Variants in THAP4 observed in about 807,000 individuals in gnomAD.
THAP4 encodes THAP domain containing 4.
In THAP4, 18 loss-of-function variants were observed where a neutral mutation model predicts 48.1. The observed-to-expected ratio is 0.37, with a 90% confidence interval of 0.26 to 0.56. The LOEUF (loss-of-function observed/expected upper bound fraction) is 0.56, where lower values mean the gene tolerates loss of function less well. THAP4 is among the 20% of genes least tolerant of loss of function. The probability of loss-of-function intolerance (pLI) is 0.78; values close to 1 mark genes in which losing one functional copy is unlikely to be tolerated. For synonymous variants in THAP4, 345 were observed against 324.9 expected (o/e 1.06, Z -0.66); for missense variants, 656 against 774.9 (o/e 0.85, Z 1.82).
intron 2 of THAP4, among the ~76,000 whole-genome samples, chr2:241,614,118 C>T (rs937160690): frequency 5.3e-5 from 8 of 150,520 alleles, no homozygotes; most frequent in African/African-American, 2.0e-4. Flanking sequence ...CGCGCCACTG[C>T]ACTCCAGTCT....
At chr2:241,604,601 A>G (rs2067156550) in intron 3 of THAP4, among the ~76,000 whole-genome samples, 1 of 151,774 alleles carries the variant, frequency 6.6e-6, no homozygotes, top group Admixed American at 6.6e-5. Context: ...GTAGAGACAC[A>G]ATTTCACCAC....
intron 2 of THAP4, among the ~76,000 whole-genome samples, chr2:241,608,985 G>A (rs2067226315): frequency 6.6e-6 from 1 of 152,212 alleles, no homozygotes. Context: ...AGGCCAGTGT[G>A]GCCAGGGGAA....
intron 1 of THAP4, 83 bp downstream of exon 1, chr2:241,636,858 C>A: frequency 7.1e-6 from 6 of 840,722 alleles, no homozygotes; most frequent in Non-Finnish European, 8.6e-6. Context: ...CCCCCGCCCC[C>A]CGCGTTCGGG....
rs759157194 is a variant in THAP4, at chr2:241,633,310, T to C, written c.847A>G (p.Ser283Gly). 1 of 1,612,380 alleles carries C rather than the reference T, an allele frequency of 6.2e-7. No individual in the cohort carries two copies. Among genetic ancestry groups the C allele is most frequent in the East Asian group, 2.2e-5 (1 of 44,850 alleles). Residue 283 changes from serine (S) to glycine (G), a missense_variant, in exon 2 of 6, where the codon AGC becomes GGC. Coordinates refer to ENST00000407315, the MANE Select transcript of THAP4 (RefSeq NM_015963.6). The surrounding 1 kb of genome is among the most constrained non-coding windows in gnomAD (Gnocchi z 7.5). ...GCGGTAAGTGATGAGCTGGGAGGGC[T>C]CTGGGCCAGGCCCTTGTCGGGTCCC... ...SLGPDKGLAQ[S>G]PPSSSLTATP...
chr2:241,600,727 C>CAAAAA (rs35546566), intron 5 of THAP4, among the ~76,000 whole-genome samples: 20 of 88,764 alleles, frequency 2.3e-4, no homozygotes, highest in African/African-American at 7.7e-4. Flanking sequence ...GACTCCGTCT[C>CAAAAA]AAAAAAAAAA....
chr2:241,612,256 TA>T lies in THAP4; in HGVS notation c.1241-5784del, dbSNP rs200730088. 2.0e-5 allele frequency among the ~76,000 whole-genome samples: 3 copies of T among 149,900 alleles called. No homozygotes were observed. The highest frequency in any genetic ancestry group is 3.0e-5 in the Non-Finnish European group (2 of 67,408). ...CGGAACACAGAGGACAGAAATGAGTTAAAAAAAAAGACAAAAGATAGAGAAA... is the reference window on the plus strand; with the variant it reads ...CGGAACACAGAGGACAGAAATGAGTTAAAAAAAAGACAAAAGATAGAGAAA... On this transcript the variant is annotated intron_variant, in intron 2 of 5. Transcript: ENST00000407315. This position sits in a 1 kb window ranked among gnomAD's most constrained non-coding sequence, Gnocchi z 4.1.
chr2:241,605,234 T>C (rs1201432290), intron 3 of THAP4, among the ~76,000 whole-genome samples: 1 of 152,164 alleles, frequency 6.6e-6, no homozygotes, highest in African/African-American at 2.4e-5. Context: ...CAATGAGATC[T>C]TCTAAAAGGG....
At chr2:241,598,665 A>C (rs1313167390) in intron 5 of THAP4, among the ~76,000 whole-genome samples, 1 of 152,152 alleles carries the variant, frequency 6.6e-6, no homozygotes, top group Non-Finnish European at 1.5e-5. Context: ...TGAGAATCTA[A>C]TGCTGCCACC....
intron 2 of THAP4, among the ~76,000 whole-genome samples, chr2:241,619,270 C>T (rs964614628): frequency 2.6e-4 from 40 of 152,340 alleles, no homozygotes; most frequent in African/African-American, 7.9e-4. Flanking sequence ...AAACACAGCC[C>T]GAGTGCCAGC....
intron 2 of THAP4, among the ~76,000 whole-genome samples, chr2:241,619,013 C>T (rs527701589): frequency 3.3e-5 from 5 of 152,220 alleles, no homozygotes; most frequent in South Asian, 2.1e-4. Context: ...CTCACCCAAG[C>T]GGGGAGGAGA....
At chr2:241,608,085 C>T (rs2067210583) in intron 2 of THAP4, among the ~76,000 whole-genome samples, 1 of 152,074 alleles carries the variant, frequency 6.6e-6, no homozygotes, top group Non-Finnish European at 1.5e-5. Flanking sequence ...AATTACACAA[C>T]CTTTGGATTA....
intron 5 of THAP4, among the ~76,000 whole-genome samples, chr2:241,597,978 C>CAA (rs66522275): frequency 1.5e-5 from 2 of 129,180 alleles, no homozygotes; most frequent in Non-Finnish European, 3.4e-5. Flanking sequence ...AACATGCAAA[C>CAA]AAAAAAAAAA....
intron 5 of THAP4, among the ~76,000 whole-genome samples, chr2:241,585,417 AGAAGTG>A (rs961384755): frequency 8.5e-5 from 13 of 152,048 alleles, no homozygotes; most frequent in Non-Finnish European, 1.9e-4. Context: ...GGGGGGCACC[AGAAGTG>A]GATGAAACGG....
At chr2:241,586,285 G>C (rs1254746462) in intron 5 of THAP4, among the ~76,000 whole-genome samples, 4 of 122,508 alleles carry the variant, frequency 3.3e-5, no homozygotes, top group Non-Finnish European at 6.9e-5. Context: ...AAAAAAAAAA[G>C]CACCCCAGCT....
intron 2 of THAP4, among the ~76,000 whole-genome samples, chr2:241,609,159 G>A (rs540010217): frequency 7.2e-5 from 11 of 152,382 alleles, no homozygotes; most frequent in African/African-American, 2.6e-4. Flanking sequence ...TGGGCCAGGT[G>A]GCCGTGGTGG....
At position 241,633,240 on chromosome 2, in the gene THAP4, T is replaced by C; in HGVS notation, c.917A>G (p.Asp306Gly). The change falls in exon 2 of 6, where the codon GAC (aspartate) becomes GGC (glycine). Residue 306 changes from aspartate to glycine, a missense_variant. Transcript: ENST00000407315. This position sits in a 1 kb window ranked among gnomAD's most constrained non-coding sequence, Gnocchi z 7.5. ...TTCCGTGGCTGGCTTTGGGGTGACG[T>C]CGGCAGGAGGGGCAGAGGGGCTCTG... The part of the protein sequence containing the change: ...PSQSPSAPPA[D>G]VTPKPATEAV... The C allele has an allele frequency of 6.2e-7, 1 of 1,609,204 alleles. No individual in the cohort carries two copies. The highest frequency in any genetic ancestry group is 8.5e-7 in the Non-Finnish European group (1 of 1,177,946).
At chr2:241,635,545 AG>A (rs1254404422) in intron 1 of THAP4, among the ~76,000 whole-genome samples, 2 of 152,316 alleles carry the variant, frequency 1.3e-5, no homozygotes, top group Admixed American at 1.3e-4. Context: ...ACTTGAGGTC[AG>A]GACTTTGAGG....
chr2:241,610,175 T>C lies in THAP4; in HGVS notation c.1241-3702A>G, dbSNP rs2067247616. ...AGGGCCGCGGCGCCGGGCATGGCCT[T>C]CACACTCCCCACGAGGCAGGACAGC... is the stretch of plus-strand genomic sequence containing the variant. On this transcript the variant is annotated intron_variant, in intron 2 of 5. Transcript: ENST00000407315. This position sits in a 1 kb window ranked among gnomAD's most constrained non-coding sequence, Gnocchi z 4.2. Among the ~76,000 whole-genome samples, 1 of 152,146 alleles carries C rather than the reference T, an allele frequency of 6.6e-6. No homozygotes were observed. The highest frequency in any genetic ancestry group is 1.9e-4 in the East Asian group (1 of 5,190).
chr2:241,624,005 C>T (rs990664394), intron 2 of THAP4, among the ~76,000 whole-genome samples: 2 of 152,182 alleles, frequency 1.3e-5, no homozygotes, highest in Non-Finnish European at 2.9e-5. Flanking sequence ...CTCAGTCCCA[C>T]AAGACTGCCC....
Sources: gnomAD v4.1 joint callset for allele counts (sites outside exome capture counted in the v4.1 genomes callset) on GRCh38, gnomAD v4.1.1 for gene constraint, Gnocchi (gnomAD v3.1) non-coding constraint, MANE v1.5 for transcripts, NCBI Gene and HGNC (gene_info 2026-07-23, HGNC 2026-07-21) for gene names.